PHF21A: variants seen among roughly 807,000 people sequenced by gnomAD.
PHF21A encodes the protein BHC80a.
PHF21A carries 11 observed loss-of-function variants against 82.5 expected under a neutral mutation model. The ratio of observed to expected loss-of-function variants is 0.13; its 90% CI spans 0.08 to 0.22. The LOEUF (loss-of-function observed/expected upper bound fraction) is 0.22, where lower values mean the gene tolerates loss of function less well. PHF21A is among the 10% of genes least tolerant of loss of function. The probability of loss-of-function intolerance (pLI) is 1.00; values close to 1 mark genes in which losing one functional copy is unlikely to be tolerated. For synonymous variants in PHF21A, 297 were observed against 302.8 expected (o/e 0.98, Z 0.20); for missense variants, 579 against 837.8 (o/e 0.69, Z 3.81).
intron 6 of PHF21A, among the ~76,000 whole-genome samples, chr11:45,992,314 T>C (rs920640475): frequency 6.6e-6 from 1 of 150,800 alleles, no homozygotes; most frequent in African/African-American, 2.4e-5. Context: ...GGGCAGATCA[T>C]GAGGTCAGGA....
At chr11:46,084,328 A>G in intron 3 of PHF21A, 26 bp from the exon 4 acceptor site, 1 of 721,920 alleles carries the variant, frequency 1.4e-6, no homozygotes, top group Non-Finnish European at 2.3e-6. Flanking sequence ...AATGTTTTGG[A>G]TCATTACATT....
At chr11:46,027,402 A>G (rs1377567428) in intron 6 of PHF21A, among the ~76,000 whole-genome samples, 1 of 152,198 alleles carries the variant, frequency 6.6e-6, no homozygotes, top group Non-Finnish European at 1.5e-5. Flanking sequence ...AGTCCTCAGT[A>G]TTATAATTCT....
At chr11:46,072,434 C>G (rs1434707320) in intron 6 of PHF21A, among the ~76,000 whole-genome samples, 1 of 152,234 alleles carries the variant, frequency 6.6e-6, no homozygotes, top group Non-Finnish European at 1.5e-5. Context: ...GATGTGAAAG[C>G]TGCATGCTGA....
At chr11:46,091,578 T>G (rs1350281050) in intron 2 of PHF21A, among the ~76,000 whole-genome samples, 1 of 152,218 alleles carries the variant, frequency 6.6e-6, no homozygotes, top group Admixed American at 6.5e-5. Flanking sequence ...CCAATATTAA[T>G]TTTAAGAATG....
At chr11:46,038,819 G>A (rs989731895) in intron 6 of PHF21A, among the ~76,000 whole-genome samples, 5 of 152,082 alleles carry the variant, frequency 3.3e-5, no homozygotes, top group African/African-American at 4.8e-5. Flanking sequence ...TGATTAATCC[G>A]TTCCTGAGGA....
At chr11:45,985,143 G>A (rs1214580081) in intron 6 of PHF21A, among the ~76,000 whole-genome samples, 1 of 152,132 alleles carries the variant, frequency 6.6e-6, no homozygotes, top group African/African-American at 2.4e-5. Flanking sequence ...ATTTGTTGAT[G>A]AGATCAGAAC....
intron 15 of PHF21A, among the ~76,000 whole-genome samples, chr11:45,939,134 G>A: frequency 6.6e-6 from 1 of 152,150 alleles, no homozygotes; most frequent in East Asian, 1.9e-4. Flanking sequence ...ACCCGGCCGG[G>A]ACTACTGTAT....
At chr11:45,959,781 A>T (rs527389712) in intron 10 of PHF21A, among the ~76,000 whole-genome samples, 1 of 152,342 alleles carries the variant, frequency 6.6e-6, no homozygotes, top group East Asian at 1.9e-4. Flanking sequence ...AGGAGAAAAT[A>T]TTTGCAAATC....
At chr11:46,098,599 A>G (rs1476933832) in intron 1 of PHF21A, among the ~76,000 whole-genome samples, 1 of 152,206 alleles carries the variant, frequency 6.6e-6, no homozygotes, top group Non-Finnish European at 1.5e-5. Flanking sequence ...TTCTGAGTCT[A>G]ATGATCATAA....
chr11:45,963,849 A>G (rs958569328), intron 10 of PHF21A, among the ~76,000 whole-genome samples: 1 of 152,144 alleles, frequency 6.6e-6, no homozygotes, highest in Non-Finnish European at 1.5e-5. Flanking sequence ...GTAGTTTAAT[A>G]CCAAAGTTCT....
Position 46,014,051 on chromosome 11 carries a change from G to T in PHF21A, c.154-34085C>A, listed in dbSNP as rs999451763. Among the ~76,000 whole-genome samples the T allele has an allele frequency of 1.1e-4, 16 of 152,048 alleles. 1 individual carries two copies. Among genetic ancestry groups the T allele is most frequent in the African/African-American group, 3.9e-4 (16 of 41,392 alleles). ...TTAGATTCAAGGGGTACATGTGCAG[G>T]TTTCTTATAACAGCATATTTCATAA... On this transcript the variant is annotated intron_variant, in intron 6 of 18. Coordinates refer to ENST00000676320, the MANE Select transcript of PHF21A (RefSeq NM_001352027.3).
At chr11:46,029,425 C>T (rs1000676843) in intron 6 of PHF21A, among the ~76,000 whole-genome samples, 12 of 152,320 alleles carry the variant, frequency 7.9e-5, no homozygotes, top group African/African-American at 2.4e-4. Context: ...CAGTGGCTCA[C>T]GCCTGTAATC....
intron 10 of PHF21A, among the ~76,000 whole-genome samples, chr11:45,957,222 TA>T (rs34512086): frequency 0.87 from 132,638 of 152,066 alleles, 58,179 homozygotes; most frequent in East Asian, 1. Context: ...AAGTAATGGA[TA>T]AAACTTGTGC....
chr11:46,026,529 T>G (rs902530878), intron 6 of PHF21A, among the ~76,000 whole-genome samples: 8 of 152,300 alleles, frequency 5.3e-5, no homozygotes, highest in African/African-American at 1.9e-4. Context: ...GTGGAAAGCT[T>G]TAGCTACCTC....
chr11:45,950,677 G>C (rs1365858407), intron 11 of PHF21A, among the ~76,000 whole-genome samples: 1 of 152,166 alleles, frequency 6.6e-6, no homozygotes, highest in Admixed American at 6.5e-5. Context: ...AGAAGGACTG[G>C]GGTCTACATC....
chr11:45,971,180 G>T lies in PHF21A; in HGVS notation c.548C>A (p.Ser183Tyr). 1 of 1,614,206 alleles carries T rather than the reference G, an allele frequency of 6.2e-7. No homozygotes were observed. The highest frequency in any genetic ancestry group is 8.5e-7 in the Non-Finnish European group (1 of 1,180,028). Residue 183 changes from serine (S) to tyrosine (Y), a missense_variant, in exon 8 of 19, where the codon TCT becomes TAT. Transcript: ENST00000676320. ...TGCCCCAGGCCCAGTGACCTTACTAGACGTCTGGAGGTTGACTGGTGTGTT... is the reference window on the plus strand; with the variant it reads ...TGCCCCAGGCCCAGTGACCTTACTATACGTCTGGAGGTTGACTGGTGTGTT... ...VQNTPVNLQT[S>Y]SKVTGPGAEA...
intron 7 of PHF21A, among the ~76,000 whole-genome samples, chr11:45,978,480 C>A (rs2094142424): frequency 1.3e-5 from 2 of 152,138 alleles, no homozygotes. Flanking sequence ...AAAATTCATT[C>A]TTTACTTGCA....
chr11:46,079,746 T>C (rs1406451284), intron 4 of PHF21A, among the ~76,000 whole-genome samples: 2 of 151,606 alleles, frequency 1.3e-5, no homozygotes, highest in African/African-American at 4.9e-5. Context: ...CAAAACTCTA[T>C]CTAACTCGAT....
intron 10 of PHF21A, among the ~76,000 whole-genome samples, chr11:45,965,024 C>T (rs985906365): frequency 3.3e-4 from 50 of 152,228 alleles, no homozygotes; most frequent in African/African-American, 1.2e-3. Context: ...TGCTTACTGA[C>T]GGAGGGCAGC....
Sources: allele counts gnomAD v4.1 joint callset (sites outside exome capture counted in the v4.1 genomes callset), GRCh38; gene constraint gnomAD v4.1.1; transcripts MANE v1.5; gene names NCBI Gene and HGNC (gene_info 2026-07-23, HGNC 2026-07-21).